WDR70: variants seen among roughly 807,000 people sequenced by gnomAD.
The protein encoded by WDR70 is WD repeat domain 70.
WDR70 carries 53 observed loss-of-function variants against 88.6 expected under a neutral mutation model. That is an observed-to-expected ratio of 0.60 (90% confidence interval 0.48 to 0.75). The LOEUF (loss-of-function observed/expected upper bound fraction) is 0.75. Ranked by LOEUF, WDR70 falls within the 30% of genes least tolerant of loss-of-function variation. The pLI is 0.00. For missense variants in WDR70, 610 were observed against 823.2 expected, an observed-to-expected ratio of 0.74 and a Z score of 3.17; for synonymous variants, 280 against 270.0, an observed-to-expected ratio of 1.04 and a Z score of -0.36.
At chr5:37,539,833 A>G (rs1741763982) in intron 9 of WDR70, among the ~76,000 whole-genome samples, 1 of 152,226 alleles carries the variant, frequency 6.6e-6, no homozygotes, top group Non-Finnish European at 1.5e-5. Context: ...CAGCACAGGA[A>G]TAATAGGCAT....
intron 8 of WDR70, among the ~76,000 whole-genome samples, chr5:37,486,999 T>C (rs1581328232): frequency 6.6e-6 from 1 of 152,200 alleles, no homozygotes; most frequent in East Asian, 1.9e-4. Flanking sequence ...TCTGTCTCTT[T>C]TGGTATTCTC....
In WDR70 at chr5:37,450,483, A is replaced by G. The variant is rs144813206; in HGVS notation, c.686+7111A>G. 9.2e-5 allele frequency among the ~76,000 whole-genome samples: 14 copies of G among 152,286 alleles called. No individual in the cohort carries two copies. The South Asian group carries it at 1.5e-3, about 16-fold the overall frequency. Reference sequence around the variant, plus strand: ...GAACACCAGTTCATACTGATGTTCTAACTCTAATCCAGTACTATGTTGATT... The same window carrying G: ...GAACACCAGTTCATACTGATGTTCTGACTCTAATCCAGTACTATGTTGATT... On this transcript the variant is annotated intron_variant, in intron 7 of 17. Transcript: ENST00000265107.
intron 10 of WDR70, among the ~76,000 whole-genome samples, chr5:37,675,077 G>A (rs1391149892): frequency 6.6e-6 from 1 of 151,958 alleles, no homozygotes; most frequent in Non-Finnish European, 1.5e-5. Context: ...TTTTGATGCG[G>A]TTGTTTGTTT....
intron 9 of WDR70, among the ~76,000 whole-genome samples, chr5:37,557,958 T>TCTTTTGAAAACTCTTCAAAAGAG (rs1742357179): frequency 1.4e-4 from 1 of 6,904 alleles, no homozygotes; most frequent in Non-Finnish European, 3.7e-4. Context: ...CAAAAGAGTA[T>TCTTTTGAAAACTCTTCAAAAGAG]TATGTATATT....
chr5:37,432,038 ACT>A (rs1750320339), intron 5 of WDR70, among the ~76,000 whole-genome samples: 1 of 152,080 alleles, frequency 6.6e-6, no homozygotes, highest in Non-Finnish European at 1.5e-5. Flanking sequence ...GCTCTTCAAG[ACT>A]CTGCTTTCAA....
At chr5:37,715,822 A>G (rs547682105) in intron 13 of WDR70, among the ~76,000 whole-genome samples, 3 of 152,294 alleles carry the variant, frequency 2.0e-5, no homozygotes, top group African/African-American at 2.4e-5. Flanking sequence ...TTCTTTCTCC[A>G]GTATTTTTTT....
At chr5:37,648,857 G>A (rs2176479) in intron 10 of WDR70, among the ~76,000 whole-genome samples, 71,086 of 151,938 alleles carry the variant, frequency 0.47, 18,177 homozygotes, top group Non-Finnish European at 0.58. Flanking sequence ...TTTTACTTTC[G>A]TCTCTTTTAA....
intron 17 of WDR70, among the ~76,000 whole-genome samples, chr5:37,745,242 C>T (rs1167472130): frequency 6.6e-6 from 1 of 151,866 alleles, no homozygotes; most frequent in African/African-American, 2.4e-5. Flanking sequence ...ATTTTGTTAC[C>T]ACGAGGCCTG....
At chr5:37,513,553 C>T (rs76351005) in intron 8 of WDR70, among the ~76,000 whole-genome samples, 331 of 152,216 alleles carry the variant, frequency 2.2e-3, no homozygotes, top group Non-Finnish European at 3.3e-3. Flanking sequence ...AGGGACAGAA[C>T]TAATGGAATA....
At chr5:37,691,513 C>T (rs1746793028) in intron 10 of WDR70, among the ~76,000 whole-genome samples, 1 of 152,228 alleles carries the variant, frequency 6.6e-6, no homozygotes, top group South Asian at 2.1e-4. Flanking sequence ...CAAACTGTCT[C>T]TCAGACTACA....
rs187249046 is a variant in WDR70 at position 37,742,516 on chromosome 5, T to A, written c.1878-9970T>A. On this transcript the variant is annotated intron_variant, in intron 17 of 17. Transcript: ENST00000265107. ...TTGTCAGGTATATGATTTGCAAATA[T>A]TTTCTCCCATTCTGCCTTTTCACTC... Among the ~76,000 whole-genome samples the A allele has an allele frequency of 4.2e-3, 642 of 152,290 alleles. 8 individuals are homozygous for A. Among genetic ancestry groups the A allele is most frequent in the African/African-American group, 0.015 (621 of 41,556 alleles).
At chr5:37,497,454 T>TTCCTTCTTCCCTTC (rs1317146969) in intron 8 of WDR70, among the ~76,000 whole-genome samples, 1 of 110,220 alleles carries the variant, frequency 9.1e-6, no homozygotes, top group Non-Finnish European at 1.8e-5. Context: ...GTCTTCCCTT[T>TTCCTTCTTCCCTTC]CCTTCCGTCT....
chr5:37,516,471 CT>C (rs1298473314), intron 8 of WDR70, 42 bp from the exon 9 acceptor site: 1 of 1,291,610 alleles, frequency 7.7e-7, no homozygotes, highest in Non-Finnish European at 1.1e-6. Context: ...TATTTTTTAC[CT>C]TTTTAAAACA....
At chr5:37,573,188 C>T (rs181087492) in intron 9 of WDR70, among the ~76,000 whole-genome samples, 333 of 152,082 alleles carry the variant, frequency 2.2e-3, no homozygotes, top group Non-Finnish European at 3.5e-3. Flanking sequence ...TTTTTTTCTT[C>T]TGCTTTGAAA....
chr5:37,394,003 G>A (rs1748928435), intron 4 of WDR70, among the ~76,000 whole-genome samples: 1 of 151,974 alleles, frequency 6.6e-6, no homozygotes, highest in African/African-American at 2.4e-5. Flanking sequence ...TTATTTTGTT[G>A]TGGTTAAAAA....
chr5:37,581,637 A>C (rs1229656429), intron 9 of WDR70, among the ~76,000 whole-genome samples: 1 of 152,132 alleles, frequency 6.6e-6, no homozygotes, highest in Non-Finnish European at 1.5e-5. Context: ...GTAGGGGTAA[A>C]GTTTAGAGCC....
intron 13 of WDR70, among the ~76,000 whole-genome samples, chr5:37,708,630 A>G (rs1006322501): frequency 1.3e-5 from 2 of 152,192 alleles, no homozygotes; most frequent in African/African-American, 4.8e-5. Context: ...AAAAAGGGCC[A>G]TGAAATAATA....
intron 10 of WDR70, among the ~76,000 whole-genome samples, chr5:37,696,678 CGT>C (rs1176314773): frequency 1.2e-5 from 1 of 86,264 alleles, no homozygotes; most frequent in Non-Finnish European, 2.7e-5. Context: ...CACACACGCG[CGT>C]GCACACACAC....
At chr5:37,527,820 A>T (rs1423632514) in intron 9 of WDR70, among the ~76,000 whole-genome samples, 1 of 152,236 alleles carries the variant, frequency 6.6e-6, no homozygotes, top group African/African-American at 2.4e-5. Context: ...TGGGCAAAGG[A>T]TATGAACAGA....
Sources: allele counts gnomAD v4.1 joint callset (sites outside exome capture counted in the v4.1 genomes callset), GRCh38; gene constraint gnomAD v4.1.1; transcripts MANE v1.5; gene names NCBI Gene and HGNC (gene_info 2026-07-23, HGNC 2026-07-21).